The following GRID1 variants were observed in gnomAD, a reference collection of about 807,000 sequenced individuals.
GRID1 encodes glutamate ionotropic receptor delta type subunit 1.
GRID1 carries 28 observed loss-of-function variants against 98.0 expected under a neutral mutation model. The ratio of observed to expected loss-of-function variants is 0.29; its 90% CI spans 0.21 to 0.39. GRID1 has a LOEUF of 0.39. GRID1 is among the 10% of genes least tolerant of loss of function. The pLI is 1.00. For missense variants in GRID1, 1,111 were observed against 1,340.5 expected (o/e 0.83, Z 2.67); for synonymous variants, 553 against 538.5 (o/e 1.03, Z -0.37).
intron 2 of GRID1, among the ~76,000 whole-genome samples, chr10:86,351,068 C>T (rs1037008613): frequency 1.3e-5 from 2 of 152,234 alleles, no homozygotes; most frequent in African/African-American, 4.8e-5. Context: ...AGGCAATCAC[C>T]AGGAGCCTGC....
chr10:86,331,135 G>A (rs1848135192), intron 2 of GRID1, among the ~76,000 whole-genome samples: 1 of 152,258 alleles, frequency 6.6e-6, no homozygotes, highest in South Asian at 2.1e-4. Flanking sequence ...CGTCACCCAT[G>A]TAGAGCTGCT....
chr10:85,694,445 A>G (rs551258221), intron 12 of GRID1, among the ~76,000 whole-genome samples: 1 of 151,500 alleles, frequency 6.6e-6, no homozygotes, highest in South Asian at 2.1e-4. Flanking sequence ...ACAAATCACT[A>G]TATCAGAAAG....
intron 12 of GRID1, among the ~76,000 whole-genome samples, chr10:85,657,443 A>C (rs937722547): frequency 1.3e-5 from 2 of 152,136 alleles, no homozygotes; most frequent in African/African-American, 4.8e-5. Flanking sequence ...TATGACCCCT[A>C]CCTACAATAG....
chr10:85,634,619 G>T (rs1479573966), intron 13 of GRID1, among the ~76,000 whole-genome samples: 1 of 152,080 alleles, frequency 6.6e-6, no homozygotes, highest in Non-Finnish European at 1.5e-5. Flanking sequence ...GTCCTCAATG[G>T]TGAAGATAAA....
intron 12 of GRID1, among the ~76,000 whole-genome samples, chr10:85,715,912 T>C (rs1461499874): frequency 6.6e-6 from 1 of 152,090 alleles, no homozygotes; most frequent in Non-Finnish European, 1.5e-5. Context: ...TAACCTTTTT[T>C]TTTTTTTCTT....
chr10:85,735,400 A>C (rs929590674), intron 8 of GRID1, among the ~76,000 whole-genome samples: 6 of 152,204 alleles, frequency 3.9e-5, no homozygotes, highest in African/African-American at 1.4e-4. Context: ...ATATGGCCTC[A>C]AAATCTGATT....
intron 4 of GRID1, among the ~76,000 whole-genome samples, chr10:86,025,110 G>A (rs1843099947): frequency 6.6e-6 from 1 of 152,182 alleles, no homozygotes; most frequent in African/African-American, 2.4e-5. Flanking sequence ...AGAATAGTTT[G>A]CGAGAAAGCA....
At chr10:86,117,414 C>G (rs891485950) in intron 4 of GRID1, among the ~76,000 whole-genome samples, 1 of 151,940 alleles carries the variant, frequency 6.6e-6, no homozygotes, top group African/African-American at 2.4e-5. Context: ...AACACCATCA[C>G]TATTACCACC....
At chr10:86,261,885 C>T (rs2607828) in intron 2 of GRID1, among the ~76,000 whole-genome samples, 101,269 of 152,146 alleles carry the variant, frequency 0.67, 34,283 homozygotes, top group Non-Finnish European at 0.71. Flanking sequence ...GAGCCTGGCA[C>T]AAGTATGTGC....
chr10:85,951,193 C>T (rs1409594126), intron 4 of GRID1, among the ~76,000 whole-genome samples: 1 of 152,172 alleles, frequency 6.6e-6, no homozygotes. Context: ...TACCATCCTG[C>T]CTACCATGAG....
intron 4 of GRID1, among the ~76,000 whole-genome samples, chr10:85,951,674 G>A (rs1842127623): frequency 6.6e-6 from 1 of 152,186 alleles, no homozygotes; most frequent in Non-Finnish European, 1.5e-5. Flanking sequence ...GGCAATTTAT[G>A]TACACAACTG....
rs147160099 is a variant in GRID1, at chr10:86,269,766, C to T, written c.236-63118G>A. ...TGGAGGTAGGGGCACATCCTGTTTG[C>T]TTTTTTGCTTTTTGCTGTCCCTCTA... is the stretch of plus-strand genomic sequence containing the variant. On this transcript the variant is annotated intron_variant, in intron 2 of 15. Coordinates refer to ENST00000327946, the MANE Select transcript of GRID1 (RefSeq NM_017551.3). Among the ~76,000 whole-genome samples, 237 of 152,286 alleles carry T rather than the reference C, an allele frequency of 1.6e-3. 1 individual carries two copies. Among genetic ancestry groups the T allele is most frequent in the Middle Eastern group, 3.4e-3 (1 of 294 alleles).
chr10:85,877,049 TG>T (rs1029131887), intron 5 of GRID1, among the ~76,000 whole-genome samples: 3 of 152,238 alleles, frequency 2.0e-5, no homozygotes, highest in Admixed American at 2.0e-4. Flanking sequence ...GCAGTAAGGC[TG>T]GGGGAGGGGC....
At chr10:86,172,613 G>T (rs750957710) in intron 3 of GRID1, among the ~76,000 whole-genome samples, 1 of 152,140 alleles carries the variant, frequency 6.6e-6, no homozygotes, top group Non-Finnish European at 1.5e-5. Context: ...TAATTTTGCA[G>T]AAGTATCCAG....
At chr10:86,114,583 C>T (rs1407338221) in intron 4 of GRID1, among the ~76,000 whole-genome samples, 12 of 152,248 alleles carry the variant, frequency 7.9e-5, no homozygotes, top group Admixed American at 4.6e-4. Context: ...GCTTGACCCC[C>T]GAAGGTCAGG....
At chr10:85,607,091 C>T (rs528056861) in intron 15 of GRID1, 9 of 152,284 alleles carry the variant, frequency 5.9e-5, no homozygotes, top group East Asian at 5.8e-4. Flanking sequence ...TTAAACATGA[C>T]GACAGATGCA....
intron 2 of GRID1, among the ~76,000 whole-genome samples, chr10:86,349,388 C>G (rs375149863): frequency 5.4e-4 from 83 of 152,336 alleles, no homozygotes; most frequent in African/African-American, 1.9e-3. Flanking sequence ...CACGACTTCT[C>G]CACTCACCCC....
At chr10:86,346,108 G>A (rs775359620) in intron 2 of GRID1, among the ~76,000 whole-genome samples, 6 of 152,176 alleles carry the variant, frequency 3.9e-5, no homozygotes, top group Admixed American at 6.5e-5. Flanking sequence ...TAGGCCACTC[G>A]TCTGTCCCTG....
chr10:86,188,091 C>T (rs1845750956), intron 3 of GRID1, among the ~76,000 whole-genome samples: 1 of 152,224 alleles, frequency 6.6e-6, no homozygotes, highest in South Asian at 2.1e-4. Flanking sequence ...ATGAGTGACA[C>T]ACATGGTGAA....
Sources: allele counts gnomAD v4.1 joint callset (sites outside exome capture counted in the v4.1 genomes callset), GRCh38; gene constraint gnomAD v4.1.1; transcripts MANE v1.5; gene names NCBI Gene and HGNC (gene_info 2026-07-23, HGNC 2026-07-21).